Variants in CYP4X1 observed in about 807,000 individuals in gnomAD.
The protein encoded by CYP4X1 is cytochrome P450 4X1.
A neutral mutation model predicts 57.9 loss-of-function variants in CYP4X1; 44 were observed. That is an observed-to-expected ratio of 0.76 (90% CI 0.60 to 0.98). The LOEUF (loss-of-function observed/expected upper bound fraction) is 0.98. Among genes scored for constraint, CYP4X1 ranks in the 50% least tolerant of loss-of-function variants. The pLI is 0.00. For missense variants in CYP4X1, 532 were observed against 623.9 expected, an observed-to-expected ratio of 0.85 and a Z score of 1.57; for synonymous variants, 227 against 228.6, an observed-to-expected ratio of 0.99 and a Z score of 0.06.
chr1:46,974,596 T>TTA, the CYP4X1 span, among the ~76,000 whole-genome samples: 6 of 151,962 alleles, frequency 3.9e-5, no homozygotes, highest in Non-Finnish European at 7.4e-5. Context: ...CTTATTTTAT[T>TTA]TATATATATA....
chr1:46,989,595 C>A, the CYP4X1 span, among the ~76,000 whole-genome samples: 1 of 152,182 alleles, frequency 6.6e-6, no homozygotes, highest in South Asian at 2.1e-4. Flanking sequence ...ATAGACAAGA[C>A]AATCATAAGC....
At chr1:47,034,374 C>G (rs1397092180) in intron 4 of CYP4X1, among the ~76,000 whole-genome samples, 1 of 152,176 alleles carries the variant, frequency 6.6e-6, no homozygotes, top group Non-Finnish European at 1.5e-5. Flanking sequence ...GATTTATAAA[C>G]GAGTTCTATT....
chr1:47,019,385 G>A (rs910608031), upstream of CYP4X1, among the ~76,000 whole-genome samples: 13 of 152,174 alleles, frequency 8.5e-5, no homozygotes, highest in African/African-American at 3.1e-4. Context: ...AACGGGTCCT[G>A]ATAAGAATTC....
At chr1:46,972,375 T>G in the CYP4X1 span, among the ~76,000 whole-genome samples, 3 of 152,246 alleles carry the variant, frequency 2.0e-5, no homozygotes, top group Non-Finnish European at 4.4e-5. Context: ...GGTAGTGTGA[T>G]GCCTCCAGCT....
At chr1:46,964,068 T>G in the CYP4X1 span, among the ~76,000 whole-genome samples, 1 of 152,378 alleles carries the variant, frequency 6.6e-6, no homozygotes, top group East Asian at 1.9e-4. Context: ...CATCACGTAG[T>G]TCTCGTGCCA....
At chr1:46,970,914 G>T in the CYP4X1 span, among the ~76,000 whole-genome samples, 1 of 152,064 alleles carries the variant, frequency 6.6e-6, no homozygotes, top group Non-Finnish European at 1.5e-5. Context: ...AAATTTTGTT[G>T]TCCATTATAT....
chr1:47,007,870 A>G, the CYP4X1 span, among the ~76,000 whole-genome samples: 1 of 152,226 alleles, frequency 6.6e-6, no homozygotes, highest in African/African-American at 2.4e-5. Flanking sequence ...AGAAGTTTAG[A>G]GAAAAAAGAA....
chr1:46,997,217 C>T, the CYP4X1 span, among the ~76,000 whole-genome samples: 1 of 152,008 alleles, frequency 6.6e-6, no homozygotes, highest in Non-Finnish European at 1.5e-5. Context: ...GGAGTTTATT[C>T]AAAAGATATT....
intron 3 of CYP4X1, 74 bp downstream of exon 3, chr1:47,031,554 A>C: frequency 2.0e-6 from 3 of 1,527,986 alleles, no homozygotes; most frequent in Middle Eastern, 1.7e-4. Context: ...CATGCCAAAG[A>C]AACTGAAATC....
chr1:46,965,416 A>ATGT, the CYP4X1 span, among the ~76,000 whole-genome samples: 1 of 151,112 alleles, frequency 6.6e-6, no homozygotes, highest in South Asian at 2.1e-4. Flanking sequence ...TTTTTTGTTG[A>ATGT]TGTTGTTGTT....
chr1:47,032,491 G>A (rs1205521045), intron 3 of CYP4X1, among the ~76,000 whole-genome samples: 1 of 152,194 alleles, frequency 6.6e-6, no homozygotes, highest in African/African-American at 2.4e-5. Context: ...GGCCACCATT[G>A]TATGAGTGAC....
Position 47,023,850 on chromosome 1 carries a change from GCGGCCCTTTTAC to G in CYP4X1, c.35_46del (p.Arg12_Tyr15del), listed in dbSNP as rs745581131. 1 of 1,613,456 alleles carries G rather than the reference GCGGCCCTTTTAC, an allele frequency of 6.2e-7. No individual in the cohort carries two copies. The highest frequency in any genetic ancestry group is 1.3e-5 in the African/African-American group (1 of 75,058). On this transcript the variant is annotated inframe_deletion, in exon 1 of 12. Coordinates refer to ENST00000371901, the MANE Select transcript of CYP4X1 (RefSeq NM_178033.2). ...TCTCCTGGCTGGAGACGCGCTGGGC[GCGGCCCTTTTAC>G]CTGGCGTTCGTGTTCTGCCTGGCCC...
downstream of CYP4X1, among the ~76,000 whole-genome samples, chr1:47,052,376 T>G (rs74076314): frequency 0.041 from 6,295 of 152,232 alleles, 423 homozygotes; most frequent in African/African-American, 0.14. Context: ...CTTATATTTC[T>G]GTCACACATT....
chr1:46,968,364 C>A, the CYP4X1 span, among the ~76,000 whole-genome samples: 5 of 152,212 alleles, frequency 3.3e-5, no homozygotes, highest in Non-Finnish European at 7.4e-5. Flanking sequence ...CCAGCTTAGA[C>A]CCTCCCATGC....
chr1:46,984,829 A>G, the CYP4X1 span, among the ~76,000 whole-genome samples: 1 of 152,172 alleles, frequency 6.6e-6, no homozygotes, highest in African/African-American at 2.4e-5. Flanking sequence ...TTCATACCCC[A>G]GTGATGCCTG....
chr1:47,011,532 G>A, the CYP4X1 span, among the ~76,000 whole-genome samples: 1 of 152,176 alleles, frequency 6.6e-6, no homozygotes, highest in Admixed American at 6.5e-5. Flanking sequence ...CAAAAGCAAT[G>A]GCAACAAAAG....
At chr1:47,039,603 A>G in intron 8 of CYP4X1, 71 bp downstream of exon 8, 2 of 1,280,236 alleles carry the variant, frequency 1.6e-6, no homozygotes, top group Non-Finnish European at 2.1e-6. Context: ...TTGCGCTGGT[A>G]CCTTAGTGAC....
At chr1:47,026,032 A>G (rs531344342) in intron 1 of CYP4X1, among the ~76,000 whole-genome samples, 74 of 152,314 alleles carry the variant, frequency 4.9e-4, no homozygotes, top group Non-Finnish European at 5.9e-4. Context: ...ATTGATCTAT[A>G]TGTCTATCCT....
the CYP4X1 span, among the ~76,000 whole-genome samples, chr1:47,010,878 C>G: frequency 1.3e-5 from 2 of 152,154 alleles, no homozygotes; most frequent in African/African-American, 4.8e-5. Flanking sequence ...TCAAGGAGAA[C>G]TACAAACCAC....
Sources: gnomAD v4.1 joint callset for allele counts (sites outside exome capture counted in the v4.1 genomes callset) on GRCh38, gnomAD v4.1.1 for gene constraint, MANE v1.5 for transcripts, NCBI Gene and HGNC (gene_info 2026-07-23, HGNC 2026-07-21) for gene names.